Variants in GRHL2 observed in about 807,000 individuals in gnomAD.
GRHL2 encodes the protein grainyhead-like protein 2 homolog.
GRHL2 carries 21 observed loss-of-function variants against 83.8 expected under a neutral mutation model. The ratio of observed to expected loss-of-function variants is 0.25; its 90% CI spans 0.18 to 0.36. The LOEUF is 0.36. Ranked by LOEUF, GRHL2 falls within the 10% of genes least tolerant of loss-of-function variation. The probability of loss-of-function intolerance (pLI) is 1.00; values close to 1 mark genes in which losing one functional copy is unlikely to be tolerated. For missense variants in GRHL2, 623 were observed against 781.8 expected (o/e 0.80, Z 2.42); for synonymous variants, 280 against 278.9 (o/e 1.00, Z -0.04).
chr8:101,562,043 C>A lies in GRHL2; in HGVS notation c.678+3231C>A, dbSNP rs57672113. ...TCCACATCCTCTTGTAACTGTTGTA[C>A]CATTTTCTCTTCCAACTACTTCCCT... On this transcript the variant is annotated intron_variant, in intron 4 of 15. Coordinates refer to ENST00000646743, the MANE Select transcript of GRHL2 (RefSeq NM_024915.4). 1,029 of 769,908 alleles carry A rather than the reference C, an allele frequency of 1.3e-3. 14 individuals are homozygous for A. In the African/African-American group the frequency reaches 0.016, roughly 12 times the overall value. 47.7% of individuals were successfully genotyped at this position (769,908 alleles called of 1,614,324 possible).
chr8:101,671,282 G>T (rs1327014501), downstream of GRHL2, among the ~76,000 whole-genome samples: 3 of 152,226 alleles, frequency 2.0e-5, no homozygotes, highest in African/African-American at 7.2e-5. Context: ...AAAGAAAGGG[G>T]TGACAGACGG....
intron 6 of GRHL2, among the ~76,000 whole-genome samples, chr8:101,574,228 T>C (rs1030002074): frequency 6.6e-6 from 1 of 152,240 alleles, no homozygotes; most frequent in African/African-American, 2.4e-5. Flanking sequence ...TCTGAATCCC[T>C]GGGCCTGGTG....
chr8:101,564,607 A>G (rs1245013864), intron 4 of GRHL2, among the ~76,000 whole-genome samples: 2 of 151,828 alleles, frequency 1.3e-5, no homozygotes, highest in African/African-American at 4.8e-5. Context: ...TGAGTTCAAG[A>G]CTAGCCTGGG....
chr8:101,526,343 C>A (rs1810801758), intron 1 of GRHL2, among the ~76,000 whole-genome samples: 1 of 152,038 alleles, frequency 6.6e-6, no homozygotes, highest in African/African-American at 2.4e-5. Context: ...GTGTGTTATT[C>A]TATAACATCA....
At chr8:101,530,559 T>C (rs1029884951) in intron 1 of GRHL2, among the ~76,000 whole-genome samples, 3 of 152,234 alleles carry the variant, frequency 2.0e-5, no homozygotes, top group African/African-American at 7.2e-5. Flanking sequence ...TTTGCTATCA[T>C]TTTTCTGCAG....
At chr8:101,550,419 T>C (rs1018830896) in intron 2 of GRHL2, among the ~76,000 whole-genome samples, 6 of 152,148 alleles carry the variant, frequency 3.9e-5, no homozygotes, top group African/African-American at 1.4e-4. Context: ...AATGTTTAGC[T>C]CCCATTTATA....
intron 8 of GRHL2, among the ~76,000 whole-genome samples, chr8:101,608,034 A>T (rs908595990): frequency 6.6e-6 from 1 of 152,242 alleles, no homozygotes; most frequent in African/African-American, 2.4e-5. Context: ...ATTAGATTGC[A>T]TACTTGGATT....
At chr8:101,623,870 TACACAG>T (rs1813016673) in intron 9 of GRHL2, among the ~76,000 whole-genome samples, 1 of 92,526 alleles carries the variant, frequency 1.1e-5, no homozygotes, top group African/African-American at 3.0e-5. Flanking sequence ...AGTAGGACAG[TACACAG>T]TAGGACAGTT....
At chr8:101,648,743 C>T (rs1023737277) in intron 13 of GRHL2, among the ~76,000 whole-genome samples, 3 of 152,088 alleles carry the variant, frequency 2.0e-5, no homozygotes, top group Non-Finnish European at 2.9e-5. Flanking sequence ...CTGGAGTTTG[C>T]TCTCCCTCTT....
intron 11 of GRHL2, among the ~76,000 whole-genome samples, chr8:101,633,040 A>T (rs1813219211): frequency 6.6e-6 from 1 of 152,198 alleles, no homozygotes; most frequent in South Asian, 2.1e-4. Flanking sequence ...CCTAGTTATG[A>T]TAATGTTCAG....
At chr8:101,542,591 T>G (rs2130119824) in intron 1 of GRHL2, among the ~76,000 whole-genome samples, 1 of 152,064 alleles carries the variant, frequency 6.6e-6, no homozygotes, top group South Asian at 2.1e-4. Flanking sequence ...TAAAATTACT[T>G]GGCCCCTAGA....
Position 101,558,602 on chromosome 8 carries a change from G to T in GRHL2, c.468G>T (p.Thr156=). 1 of 1,614,090 alleles carries T rather than the reference G, an allele frequency of 6.2e-7. No homozygotes were observed. The part of the protein sequence containing the change: ...SSAIIPVSGI[T]VVKAEDFTPV... Reference sequence around the variant, plus strand: ...CCATCATCCCGGTGTCGGGAATCACGGTGGTGAAAGCTGAAGATTTCACAC... The same window carrying T: ...CCATCATCCCGGTGTCGGGAATCACTGTGGTGAAAGCTGAAGATTTCACAC... The change falls in exon 4 of 16, where the codon ACG becomes ACT. Residue 156 remains threonine (T), a synonymous_variant. Coordinates refer to ENST00000646743, the MANE Select transcript of GRHL2 (RefSeq NM_024915.4).
chr8:101,589,392 G>A (rs1812230093), intron 7 of GRHL2, among the ~76,000 whole-genome samples: 2 of 152,208 alleles, frequency 1.3e-5, no homozygotes, highest in African/African-American at 4.8e-5. Context: ...GCAAGCACGG[G>A]CACGCGTGCA....
chr8:101,565,125 A>T (rs1372123135), intron 4 of GRHL2, among the ~76,000 whole-genome samples: 1 of 152,106 alleles, frequency 6.6e-6, no homozygotes, highest in Non-Finnish European at 1.5e-5. Flanking sequence ...AAGGTGCATT[A>T]TTTTTTCCAT....
At position 101,601,185 on chromosome 8, in the gene GRHL2, CACA is replaced by C. The variant is rs773769803; in HGVS notation, c.1098+2035_1098+2037del. Among the ~76,000 whole-genome samples the C allele has an allele frequency of 8.5e-4, 127 of 149,840 alleles. 1 individual carries two copies. The highest frequency in any genetic ancestry group is 3.4e-3 in the Middle Eastern group (1 of 290). On this transcript the variant is annotated intron_variant, in intron 8 of 15. Transcript: ENST00000646743. ...ACACACACACACACACACACACACA[CACA>C]CCCCACCACCACCACCACCACCACC...
At chr8:101,564,695 C>T (rs529323) in intron 4 of GRHL2, among the ~76,000 whole-genome samples, 87,443 of 151,210 alleles carry the variant, frequency 0.58, 27,127 homozygotes, top group Non-Finnish European at 0.7. Flanking sequence ...ACCTGTAGTC[C>T]GAGCTGCTTG....
intron 1 of GRHL2, among the ~76,000 whole-genome samples, chr8:101,521,535 T>C (rs1810683850): frequency 6.6e-6 from 1 of 152,080 alleles, no homozygotes; most frequent in Non-Finnish European, 1.5e-5. Flanking sequence ...TGTATATTCT[T>C]CTGTCAGAGC....
intron 1 of GRHL2, among the ~76,000 whole-genome samples, chr8:101,533,603 T>C (rs1161232025): frequency 6.6e-6 from 1 of 152,090 alleles, no homozygotes; most frequent in Non-Finnish European, 1.5e-5. Flanking sequence ...ATGGCTGTTA[T>C]GGAAAAAAGA....
chr8:101,560,280 C>T (rs1438249257), intron 4 of GRHL2, among the ~76,000 whole-genome samples: 4 of 152,182 alleles, frequency 2.6e-5, no homozygotes, highest in Admixed American at 1.3e-4. Context: ...CCGCCTGCTT[C>T]GGCCTCCCGA....
Sources: gnomAD v4.1 joint callset for allele counts (sites outside exome capture counted in the v4.1 genomes callset) on GRCh38, gnomAD v4.1.1 for gene constraint, MANE v1.5 for transcripts, NCBI Gene and HGNC (gene_info 2026-07-23, HGNC 2026-07-21) for gene names.